COP1: variants seen among roughly 807,000 people sequenced by gnomAD.
COP1 encodes the protein COP1 E3 ubiquitin ligase, also known as E3 ubiquitin-protein ligase COP1.
A neutral mutation model predicts 101.3 loss-of-function variants in COP1; 24 were observed. The observed-to-expected ratio is 0.24, with a 90% CI of 0.17 to 0.33. The LOEUF (loss-of-function observed/expected upper bound fraction) is 0.33. COP1 is among the 10% of genes least tolerant of loss of function. COP1 has a pLI of 1.00. For missense variants in COP1, 663 were observed against 906.2 expected (o/e 0.73, Z 3.45); for synonymous variants, 347 against 341.9 (o/e 1.01, Z -0.17).
At chr1:176,002,780 A>C (rs1254428026) in intron 15 of COP1, among the ~76,000 whole-genome samples, 2 of 149,684 alleles carry the variant, frequency 1.3e-5, no homozygotes, top group Non-Finnish European at 3.0e-5. Flanking sequence ...GGTTGGTTCC[A>C]AGTCTTTGCT....
chr1:176,085,749 A>G (rs149662671), intron 10 of COP1, 27 bp downstream of exon 10: 1 of 1,305,526 alleles, frequency 7.7e-7, no homozygotes, highest in East Asian at 2.3e-5. Flanking sequence ...TAGATTTCAG[A>G]TAATTTGAGA....
intron 8 of COP1, among the ~76,000 whole-genome samples, chr1:176,134,479 T>C (rs1277512073): frequency 6.6e-6 from 1 of 152,004 alleles, no homozygotes; most frequent in Non-Finnish European, 1.5e-5. Flanking sequence ...GAAATGGTCA[T>C]GACAAATATA....
At chr1:175,984,321 G>A (rs1656588878) in intron 18 of COP1, among the ~76,000 whole-genome samples, 1 of 152,254 alleles carries the variant, frequency 6.6e-6, no homozygotes, top group Admixed American at 6.5e-5. Context: ...TCGAGCCATG[G>A]CTTCAGAGGG....
chr1:176,172,085 G>C (rs1314961480), intron 3 of COP1, among the ~76,000 whole-genome samples: 1 of 151,990 alleles, frequency 6.6e-6, no homozygotes, highest in African/African-American at 2.4e-5. Context: ...TCTCTGCTTT[G>C]TTGCCCAGGC....
intron 14 of COP1, among the ~76,000 whole-genome samples, chr1:176,036,507 C>CAAAAAAAAAAAAAA (rs77138527): frequency 1.6e-5 from 2 of 127,328 alleles, no homozygotes; most frequent in African/African-American, 6.1e-5. Flanking sequence ...AACAAAAAAA[C>CAAAAAAAAAAAAAA]AAAAAAAAAA....
chr1:176,131,564 A>C (rs1688900644), intron 8 of COP1, among the ~76,000 whole-genome samples: 1 of 151,902 alleles, frequency 6.6e-6, no homozygotes, highest in Admixed American at 6.6e-5. Context: ...AAGCCTGCTT[A>C]AAAGAGAGAT....
chr1:176,049,450 G>T (rs978669465), intron 11 of COP1, among the ~76,000 whole-genome samples: 27 of 151,692 alleles, frequency 1.8e-4, no homozygotes, highest in Admixed American at 1.3e-3. Flanking sequence ...AAAATATTTT[G>T]GGGGTAACAA....
rs537910766 is a variant in COP1, at chr1:175,962,079, A to AT, written c.2134-14841_2134-14840insA. On this transcript the variant is annotated intron_variant, in intron 18 of 19. Coordinates refer to ENST00000367669, the MANE Select transcript of COP1 (RefSeq NM_022457.7). The stretch of plus-strand genomic sequence containing the variant: ...GTGAATTTTATTTATGGATAACAAA[A>AT]GTCAGTGACTGCCTTTATGCAAAAA... Among the ~76,000 whole-genome samples the AT allele has an allele frequency of 2.5e-3, 382 of 152,114 alleles. 2 individuals are homozygous for AT. The highest frequency in any genetic ancestry group is 9.0e-3 in the African/African-American group (373 of 41,470).
At chr1:176,144,753 G>A (rs1352715341) in intron 6 of COP1, among the ~76,000 whole-genome samples, 3 of 152,056 alleles carry the variant, frequency 2.0e-5, no homozygotes, top group African/African-American at 7.2e-5. Flanking sequence ...ATATGACAAA[G>A]GTGAAACTTC....
chr1:176,159,883 CTTAA>C (rs1173680708), intron 5 of COP1, among the ~76,000 whole-genome samples: 3 of 152,112 alleles, frequency 2.0e-5, no homozygotes, highest in Non-Finnish European at 4.4e-5. Flanking sequence ...ATAATTACTT[CTTAA>C]GTCAGATCTA....
chr1:175,998,916 C>A (rs1453013828), intron 15 of COP1, among the ~76,000 whole-genome samples: 1 of 152,042 alleles, frequency 6.6e-6, no homozygotes, highest in Non-Finnish European at 1.5e-5. Context: ...TATCAGATTA[C>A]ATGGCACACT....
intron 15 of COP1, among the ~76,000 whole-genome samples, chr1:176,007,098 C>A (rs537898900): frequency 6.6e-6 from 1 of 150,702 alleles, no homozygotes; most frequent in South Asian, 2.1e-4. Context: ...TTTCATTCAT[C>A]TTCCATCGCT....
chr1:175,993,339 C>A lies in COP1; in HGVS notation c.1730-3860G>T, dbSNP rs184186396. On this transcript the variant is annotated intron_variant, in intron 15 of 19. Transcript: ENST00000367669. Reference sequence around the variant, plus strand: ...GGAAACTCTAAAAAGCAGAGTGCCTCTCCTCCTCCAAAGGAACGCAGCTCC... The same window carrying A: ...GGAAACTCTAAAAAGCAGAGTGCCTATCCTCCTCCAAAGGAACGCAGCTCC... Among the ~76,000 whole-genome samples, 399 of 152,330 alleles carry A rather than the reference C, an allele frequency of 2.6e-3. 3 individuals are homozygous for A. Among genetic ancestry groups the A allele is most frequent in the African/African-American group, 9.2e-3 (381 of 41,572 alleles).
At chr1:176,133,818 A>G (rs1222147492) in intron 8 of COP1, 1 of 449,964 alleles carries the variant, frequency 2.2e-6, no homozygotes, top group South Asian at 1.6e-5. Flanking sequence ...TTGTGATGTG[A>G]CAACTTTTTC....
chr1:176,027,793 G>T, intron 14 of COP1, 105 bp from the exon 15 acceptor site: 1 of 701,044 alleles, frequency 1.4e-6, no homozygotes, highest in Non-Finnish European at 2.5e-6. Flanking sequence ...ATCTTTTTGT[G>T]CCACTCTAAA....
intron 2 of COP1, among the ~76,000 whole-genome samples, chr1:176,181,062 T>C (rs1303397678): frequency 6.6e-6 from 1 of 152,224 alleles, no homozygotes; most frequent in African/African-American, 2.4e-5. Flanking sequence ...CTCTACGTTA[T>C]GTAAAAGTCA....
chr1:176,063,604 G>T (rs1234310640), intron 11 of COP1, among the ~76,000 whole-genome samples: 1 of 152,182 alleles, frequency 6.6e-6, no homozygotes, highest in Admixed American at 6.5e-5. Flanking sequence ...ATGGGGAGAA[G>T]AGAAGAAGAG....
intron 8 of COP1, among the ~76,000 whole-genome samples, chr1:176,127,496 G>C (rs892158837): frequency 6.6e-6 from 1 of 151,228 alleles, no homozygotes; most frequent in Non-Finnish European, 1.5e-5. Context: ...ATGTCATCTA[G>C]GTTCATCTGT....
chr1:175,982,665 A>C (rs1011326294), intron 18 of COP1, among the ~76,000 whole-genome samples: 3 of 152,146 alleles, frequency 2.0e-5, no homozygotes, highest in African/African-American at 7.2e-5. Flanking sequence ...AACTGAGTGG[A>C]GGGTCAGTGC....
Sources: gnomAD v4.1 joint callset for allele counts (sites outside exome capture counted in the v4.1 genomes callset) on GRCh38, gnomAD v4.1.1 for gene constraint, MANE v1.5 for transcripts, NCBI Gene and HGNC (gene_info 2026-07-23, HGNC 2026-07-21) for gene names.